ENOX1: variants seen among roughly 807,000 people sequenced by gnomAD.
ENOX1 encodes ecto-NOX disulfide-thiol exchanger 1.
ENOX1 carries 42 observed loss-of-function variants against 82.5 expected under a neutral mutation model. That is an observed-to-expected ratio of 0.51 (90% CI 0.40 to 0.66). The LOEUF (loss-of-function observed/expected upper bound fraction) is 0.66. Ranked by LOEUF, ENOX1 falls within the 30% of genes least tolerant of loss-of-function variation. ENOX1 has a pLI of 0.00. For synonymous variants in ENOX1, 271 were observed against 282.2 expected (o/e 0.96, Z 0.40); for missense variants, 608 against 811.6 (o/e 0.75, Z 3.05).
intron 9 of ENOX1, among the ~76,000 whole-genome samples, chr13:43,328,626 G>A (rs2048249087): frequency 6.6e-6 from 1 of 152,168 alleles, no homozygotes; most frequent in Non-Finnish European, 1.5e-5. Flanking sequence ...AGGAAGACTA[G>A]TAATGCACCT....
At chr13:43,369,026 C>A (rs2051036950) in intron 5 of ENOX1, among the ~76,000 whole-genome samples, 1 of 127,452 alleles carries the variant, frequency 7.8e-6, no homozygotes, top group Non-Finnish European at 1.9e-5. Context: ...CTGACATTGC[C>A]CATTCTTTTT....
At chr13:43,753,583 A>T (rs7336604) in intron 1 of ENOX1, among the ~76,000 whole-genome samples, 13,328 of 152,226 alleles carry the variant, frequency 0.088, 919 homozygotes, top group African/African-American at 0.19. Flanking sequence ...GGGACAAAAG[A>T]AGTTGTTCAC....
intron 9 of ENOX1, among the ~76,000 whole-genome samples, chr13:43,330,543 T>G (rs543612387): frequency 6.6e-6 from 1 of 152,340 alleles, no homozygotes; most frequent in East Asian, 1.9e-4. Context: ...AATTTAAATT[T>G]ACCCCTCACA....
At chr13:43,467,283 T>A (rs1356209921) in intron 3 of ENOX1, among the ~76,000 whole-genome samples, 2 of 152,190 alleles carry the variant, frequency 1.3e-5, no homozygotes, top group Non-Finnish European at 2.9e-5. Flanking sequence ...TTATTGTCTG[T>A]CAATTTTAGA....
chr13:43,592,783 G>T (rs1786166784), intron 2 of ENOX1, among the ~76,000 whole-genome samples: 1 of 152,140 alleles, frequency 6.6e-6, no homozygotes, highest in Admixed American at 6.6e-5. Context: ...TGCAGAGGAA[G>T]GCCCTGAAAA....
At chr13:43,506,783 C>A in intron 2 of ENOX1, among the ~76,000 whole-genome samples, 1 of 143,346 alleles carries the variant, frequency 7.0e-6, no homozygotes, top group Non-Finnish European at 1.5e-5. Flanking sequence ...GGGAATTGAA[C>A]AATGAGAACA....
chr13:43,716,232 T>A (rs1008414867), intron 1 of ENOX1, among the ~76,000 whole-genome samples: 1 of 152,036 alleles, frequency 6.6e-6, no homozygotes, highest in East Asian at 1.9e-4. Context: ...TACAGATGGG[T>A]TTTTGGTGTG....
At chr13:43,501,392 A>C (rs527397143) in intron 2 of ENOX1, among the ~76,000 whole-genome samples, 2 of 151,788 alleles carry the variant, frequency 1.3e-5, no homozygotes, top group Non-Finnish European at 3.0e-5. Flanking sequence ...GTCTTGAATA[A>C]CACTATATAC....
At chr13:43,476,900 G>C (rs1316395247) in intron 3 of ENOX1, among the ~76,000 whole-genome samples, 1 of 152,096 alleles carries the variant, frequency 6.6e-6, no homozygotes, top group East Asian at 1.9e-4. Context: ...AAGAGGAGAT[G>C]GGTGGGTGCA....
At chr13:43,284,814 AAG>A (rs2045597609) in intron 12 of ENOX1, among the ~76,000 whole-genome samples, 1 of 106,674 alleles carries the variant, frequency 9.4e-6, no homozygotes, top group South Asian at 3.2e-4. Flanking sequence ...GTGTGTGTGT[AAG>A]AGAGAGAGGG....
intron 14 of ENOX1, among the ~76,000 whole-genome samples, chr13:43,265,051 T>C (rs2044289106): frequency 6.6e-6 from 1 of 152,212 alleles, no homozygotes; most frequent in Non-Finnish European, 1.5e-5. Flanking sequence ...ACTTAATGAA[T>C]ATACATGCAA....
chr13:43,634,067 G>A, intron 2 of ENOX1, among the ~76,000 whole-genome samples: 1 of 152,030 alleles, frequency 6.6e-6, no homozygotes, highest in East Asian at 1.9e-4. Flanking sequence ...CTGTTGAACT[G>A]GCAGAAAGTT....
intron 2 of ENOX1, among the ~76,000 whole-genome samples, chr13:43,659,363 G>A (rs1321711661): frequency 3.3e-5 from 5 of 151,830 alleles, no homozygotes; most frequent in Non-Finnish European, 5.9e-5. Flanking sequence ...AGTGGCACGC[G>A]CCTGTAATCC....
intron 5 of ENOX1, among the ~76,000 whole-genome samples, chr13:43,369,036 T>C (rs957272914): frequency 8.6e-5 from 13 of 152,020 alleles, no homozygotes; most frequent in African/African-American, 3.1e-4. Flanking sequence ...CCATTCTTTT[T>C]TTTTTAACAG....
rs1225653176 is a variant in ENOX1, at chr13:43,685,194, C to T, written c.-284-17650G>A. Among the ~76,000 whole-genome samples the T allele has an allele frequency of 2.0e-5, 3 of 152,296 alleles. No individual in the cohort carries two copies. In the East Asian group the frequency reaches 5.8e-4, roughly 29 times the overall value. Reference sequence around the variant, plus strand: ...CTTTCCTACAATGGGTCTCTTCATACTTCACTATATCCGGATCTAGTTGAT... The same window carrying T: ...CTTTCCTACAATGGGTCTCTTCATATTTCACTATATCCGGATCTAGTTGAT... On this transcript the variant is annotated intron_variant, in intron 1 of 16. Coordinates refer to ENST00000690772, the MANE Select transcript of ENOX1 (RefSeq NM_001347969.2).
chr13:43,446,708 A>G (rs1330507605), intron 3 of ENOX1, among the ~76,000 whole-genome samples: 2 of 152,190 alleles, frequency 1.3e-5, no homozygotes, highest in Non-Finnish European at 1.5e-5. Flanking sequence ...TGCCAGTTTA[A>G]TCTGTCTCTA....
chr13:43,320,959 A>G, intron 11 of ENOX1: 1 of 405,280 alleles, frequency 2.5e-6, no homozygotes, highest in Non-Finnish European at 5.0e-6. Flanking sequence ...CAAACCCAAG[A>G]GTAAAGCAGT....
At chr13:43,234,694 T>C (rs1378122255) in intron 15 of ENOX1, among the ~76,000 whole-genome samples, 1 of 152,222 alleles carries the variant, frequency 6.6e-6, no homozygotes, top group Admixed American at 6.5e-5. Flanking sequence ...TTTTTTGTGA[T>C]ACCAAAGACA....
At chr13:43,643,962 A>G (rs1283861889) in intron 2 of ENOX1, among the ~76,000 whole-genome samples, 1 of 152,148 alleles carries the variant, frequency 6.6e-6, no homozygotes, top group Non-Finnish European at 1.5e-5. Flanking sequence ...TTCCATTCCT[A>G]TCGCAAAGCT....
Sources: gnomAD v4.1 joint callset for allele counts (sites outside exome capture counted in the v4.1 genomes callset) on GRCh38, gnomAD v4.1.1 for gene constraint, MANE v1.5 for transcripts, NCBI Gene and HGNC (gene_info 2026-07-23, HGNC 2026-07-21) for gene names.